The following MRTFB variants were observed in gnomAD, a reference collection of about 807,000 sequenced individuals.
MRTFB encodes the protein myocardin related transcription factor B.
In MRTFB, 29 loss-of-function variants were observed where a neutral mutation model predicts 104.2. The ratio of observed to expected loss-of-function variants is 0.28; its 90% confidence interval spans 0.21 to 0.38. The LOEUF (loss-of-function observed/expected upper bound fraction) is 0.38. Among genes scored for constraint, MRTFB ranks in the 10% least tolerant of loss-of-function variants. MRTFB has a pLI of 1.00. For synonymous variants in MRTFB, 535 were observed against 519.5 expected, an observed-to-expected ratio of 1.03 and a Z score of -0.41; for missense variants, 1,270 against 1,341.6, an observed-to-expected ratio of 0.95 and a Z score of 0.83.
At chr16:14,009,939 A>G in the MRTFB span, 1 of 152,024 alleles carries the variant, frequency 6.6e-6, no homozygotes, top group Non-Finnish European at 1.5e-5. Flanking sequence ...CCCCAGGCAA[A>G]CTCTCTCCTC....
chr16:14,248,224 A>G (rs1258956154), intron 12 of MRTFB: 3 of 152,356 alleles, frequency 2.0e-5, no homozygotes, highest in African/African-American at 7.2e-5. Flanking sequence ...TTCACCAAAC[A>G]TGGAGCACGA....
intron 1 of MRTFB, among the ~76,000 whole-genome samples, chr16:14,072,980 G>A (rs1333490501): frequency 6.6e-6 from 1 of 152,054 alleles, no homozygotes; most frequent in East Asian, 1.9e-4. Flanking sequence ...AAAATTTTTG[G>A]TTCAATATCA....
At chr16:14,122,241 T>TTA (rs201451896) in intron 2 of MRTFB, among the ~76,000 whole-genome samples, 19 of 135,368 alleles carry the variant, frequency 1.4e-4, no homozygotes, top group African/African-American at 7.0e-4. Context: ...TGGATCTGTT[T>TTA]TTTTTTTTTC....
chr16:13,999,045 C>G, the MRTFB span, among the ~76,000 whole-genome samples: 1 of 151,622 alleles, frequency 6.6e-6, no homozygotes, highest in African/African-American at 2.4e-5. Context: ...AAAAAATTAG[C>G]CAGGCGTGGT....
chr16:14,082,354 A>G (rs2034460664), intron 2 of MRTFB, among the ~76,000 whole-genome samples: 1 of 152,192 alleles, frequency 6.6e-6, no homozygotes, highest in Non-Finnish European at 1.5e-5. Context: ...CTGTAAGTGC[A>G]TAGATTTATT....
upstream of MRTFB, among the ~76,000 whole-genome samples, chr16:14,070,103 A>C (rs1264886778): frequency 6.6e-6 from 1 of 152,204 alleles, no homozygotes; most frequent in Non-Finnish European, 1.5e-5. Flanking sequence ...AAGCCCATGC[A>C]GACGCTGTTG....
At chr16:14,011,010 C>T in the MRTFB span, among the ~76,000 whole-genome samples, 2 of 152,162 alleles carry the variant, frequency 1.3e-5, no homozygotes, top group Non-Finnish European at 2.9e-5. Flanking sequence ...GACAGGTGGG[C>T]CCCAGGCATA....
intron 5 of MRTFB, among the ~76,000 whole-genome samples, chr16:14,212,713 A>G (rs1311599285): frequency 6.6e-6 from 1 of 152,188 alleles, no homozygotes; most frequent in Non-Finnish European, 1.5e-5. Context: ...GAGGCATAAG[A>G]GGGGGTAATT....
At position 14,177,053 on chromosome 16, in the gene MRTFB, G is replaced by A. The variant is rs972886519; in HGVS notation, c.155-33190G>A. Among the ~76,000 whole-genome samples the A allele has an allele frequency of 2.0e-5, 3 of 152,186 alleles. No individual in the cohort carries two copies. ...AGAGATAGGGAATAGGGAAATCCAG[G>A]AAGAAAAAACTTGTACAAAAACAAG... On this transcript the variant is annotated intron_variant, in intron 3 of 16. Transcript: ENST00000571589. This position sits in a 1 kb window ranked among gnomAD's most constrained non-coding sequence, Gnocchi z 4.7.
chr16:14,039,227 C>A, the MRTFB span, among the ~76,000 whole-genome samples: 1 of 152,170 alleles, frequency 6.6e-6, no homozygotes, highest in Non-Finnish European at 1.5e-5. Context: ...GCCCTCAGCT[C>A]CTTATCATAT....
At chr16:14,024,976 G>C in the MRTFB span, among the ~76,000 whole-genome samples, 2 of 152,150 alleles carry the variant, frequency 1.3e-5, no homozygotes, top group African/African-American at 4.8e-5. Flanking sequence ...CCAAGCAAAT[G>C]GGATTAATCT....
intron 8 of MRTFB, among the ~76,000 whole-genome samples, chr16:14,225,693 CATG>C (rs1442236809): frequency 2.6e-5 from 4 of 151,166 alleles, no homozygotes; most frequent in African/African-American, 7.3e-5. Flanking sequence ...TTCATTCATT[CATG>C]CCTGGCTAAT....
chr16:14,030,777 T>C, the MRTFB span, among the ~76,000 whole-genome samples: 4 of 152,170 alleles, frequency 2.6e-5, no homozygotes, highest in Non-Finnish European at 5.9e-5. Flanking sequence ...CAGTCCCTAG[T>C]GGAACCCGGA....
chr16:14,221,808 G>C (rs1459350534), intron 8 of MRTFB, among the ~76,000 whole-genome samples: 1 of 122,046 alleles, frequency 8.2e-6, no homozygotes, highest in Non-Finnish European at 1.6e-5. Context: ...TTGAGAGGGA[G>C]TCTCACTCTG....
the MRTFB span, among the ~76,000 whole-genome samples, chr16:14,038,524 G>A: frequency 6.6e-6 from 1 of 152,202 alleles, no homozygotes; most frequent in African/African-American, 2.4e-5. Flanking sequence ...GAGGAAGAAA[G>A]TGTTTGATTT....
chr16:14,134,691 T>A (rs569659268), intron 2 of MRTFB, among the ~76,000 whole-genome samples: 1 of 152,334 alleles, frequency 6.6e-6, no homozygotes, highest in Admixed American at 6.5e-5. Flanking sequence ...CACAACCTCG[T>A]GTCCCTCTTT....
chr16:14,216,018 T>C (rs921708302), intron 6 of MRTFB, among the ~76,000 whole-genome samples: 3 of 152,264 alleles, frequency 2.0e-5, no homozygotes, highest in Non-Finnish European at 4.4e-5. Flanking sequence ...TTTTTGAAGT[T>C]TTATCATTTT....
chr16:14,026,672 A>G, the MRTFB span, among the ~76,000 whole-genome samples: 1 of 152,244 alleles, frequency 6.6e-6, no homozygotes, highest in African/African-American at 2.4e-5. Context: ...TTGAGTCTGG[A>G]ATATACACAA....
intron 2 of MRTFB, among the ~76,000 whole-genome samples, chr16:14,132,937 T>C (rs2037512054): frequency 6.6e-6 from 1 of 152,240 alleles, no homozygotes; most frequent in African/African-American, 2.4e-5. Context: ...CCAGTCGTAG[T>C]AATTTAACTA....
Sources: gnomAD v4.1 joint callset for allele counts (sites outside exome capture counted in the v4.1 genomes callset) on GRCh38, gnomAD v4.1.1 for gene constraint, Gnocchi (gnomAD v3.1) non-coding constraint, MANE v1.5 for transcripts, NCBI Gene and HGNC (gene_info 2026-07-23, HGNC 2026-07-21) for gene names.